The following SLC24A2 variants were observed in gnomAD, a reference collection of about 807,000 sequenced individuals.
SLC24A2 encodes sodium/potassium/calcium exchanger 2.
In SLC24A2, 36 loss-of-function variants were observed where a neutral mutation model predicts 62.0. That is an observed-to-expected ratio of 0.58 (90% CI 0.44 to 0.77). The LOEUF is 0.77. Among genes scored for constraint, SLC24A2 ranks in the 30% least tolerant of loss-of-function variants. The probability of loss-of-function intolerance (pLI) is 0.00; values close to 1 mark genes in which losing one functional copy is unlikely to be tolerated. For synonymous variants in SLC24A2, 358 were observed against 294.0 expected (o/e 1.22, Z -2.23); for missense variants, 846 against 817.9 (o/e 1.03, Z -0.42).
the SLC24A2 span, among the ~76,000 whole-genome samples, chr9:20,202,377 C>T: frequency 1.3e-5 from 2 of 152,154 alleles, no homozygotes; most frequent in South Asian, 2.1e-4. Context: ...ACTGGAGCTT[C>T]CTCTTTGAAG....
rs1832765035 is a variant in SLC24A2 at position 19,512,769 on chromosome 9, ATTG to A, written c.*3381_*3383del. 6.6e-6 allele frequency: 1 copy of A among 152,118 alleles called. No individual in the cohort carries two copies. The highest frequency in any genetic ancestry group is 6.5e-5 in the Admixed American group (1 of 15,270). 9.4% of individuals were successfully genotyped at this position (152,118 alleles called of 1,614,324 possible). On this transcript the variant is annotated 3_prime_UTR_variant, in exon 11 of 11. Transcript: ENST00000341998. ...TGATTAGTACAATGTTGGCTCTTGA[ATTG>A]TTGATATCTTTTATACCCTGCTCCA...
At chr9:20,169,181 T>C in the SLC24A2 span, among the ~76,000 whole-genome samples, 55 of 152,094 alleles carry the variant, frequency 3.6e-4, no homozygotes, top group Non-Finnish European at 5.0e-4. Context: ...GAATTAGAGA[T>C]AATCAGGGGC....
At chr9:19,611,642 C>A (rs1032869884) in intron 4 of SLC24A2, among the ~76,000 whole-genome samples, 1 of 151,920 alleles carries the variant, frequency 6.6e-6, no homozygotes, top group Non-Finnish European at 1.5e-5. Context: ...AAGTTTGGGG[C>A]ATGCCTTTTC....
At chr9:20,040,408 G>A in the SLC24A2 span, among the ~76,000 whole-genome samples, 1 of 152,186 alleles carries the variant, frequency 6.6e-6, no homozygotes, top group Non-Finnish European at 1.5e-5. Context: ...GGGAAGGAGG[G>A]CTGGTTAAGA....
At chr9:19,549,369 T>G (rs1298342330) in intron 8 of SLC24A2, among the ~76,000 whole-genome samples, 1 of 152,142 alleles carries the variant, frequency 6.6e-6, no homozygotes, top group Admixed American at 6.6e-5. Flanking sequence ...TAGGTAAACT[T>G]TTTGTTTCCT....
chr9:19,926,511 C>G, the SLC24A2 span: 2 of 151,940 alleles, frequency 1.3e-5, no homozygotes, highest in African/African-American at 2.4e-5. Context: ...CAGGTGTTCA[C>G]GGCTCATCAC....
At chr9:19,966,787 T>A in the SLC24A2 span, among the ~76,000 whole-genome samples, 1 of 152,200 alleles carries the variant, frequency 6.6e-6, no homozygotes, top group African/African-American at 2.4e-5. Context: ...GGAATGCGAA[T>A]GCAATTGCTG....
At chr9:20,269,851 C>T in the SLC24A2 span, among the ~76,000 whole-genome samples, 1 of 152,128 alleles carries the variant, frequency 6.6e-6, no homozygotes, top group Non-Finnish European at 1.5e-5. Context: ...TTGTTGATAC[C>T]TGGTCTTAGT....
At chr9:19,973,831 T>C in the SLC24A2 span, among the ~76,000 whole-genome samples, 10 of 152,320 alleles carry the variant, frequency 6.6e-5, no homozygotes, top group African/African-American at 1.9e-4. Flanking sequence ...GTTATTTAGA[T>C]AGTAGGTTTT....
chr9:19,822,992 C>T, the SLC24A2 span, among the ~76,000 whole-genome samples: 2 of 152,032 alleles, frequency 1.3e-5, no homozygotes, highest in African/African-American at 4.8e-5. Context: ...TAAAACTCAC[C>T]CACCCTTCCC....
At chr9:19,798,406 C>A in the SLC24A2 span, among the ~76,000 whole-genome samples, 1 of 152,140 alleles carries the variant, frequency 6.6e-6, no homozygotes, top group African/African-American at 2.4e-5. Flanking sequence ...GAATAAGTTG[C>A]ATAATCCATC....
At chr9:20,011,803 G>C in the SLC24A2 span, among the ~76,000 whole-genome samples, 1 of 152,020 alleles carries the variant, frequency 6.6e-6, no homozygotes, top group Non-Finnish European at 1.5e-5. Context: ...ATCAAAAACA[G>C]CAAGAGACTT....
the SLC24A2 span, among the ~76,000 whole-genome samples, chr9:20,154,963 A>G: frequency 6.6e-6 from 1 of 151,650 alleles, no homozygotes; most frequent in Non-Finnish European, 1.5e-5. Flanking sequence ...GCATCTCGCT[A>G]TCAGGGAAAA....
chr9:19,849,094 T>C, the SLC24A2 span, among the ~76,000 whole-genome samples: 1 of 152,142 alleles, frequency 6.6e-6, no homozygotes, highest in Non-Finnish European at 1.5e-5. Context: ...GGGCACTGAG[T>C]GGGCAGAGAC....
the SLC24A2 span, among the ~76,000 whole-genome samples, chr9:20,158,093 C>T: frequency 2.6e-5 from 4 of 151,376 alleles, no homozygotes; most frequent in Admixed American, 6.6e-5. Flanking sequence ...TCTTTTAATA[C>T]ATAGAATCAA....
chr9:20,121,273 C>G, the SLC24A2 span, among the ~76,000 whole-genome samples: 3 of 151,582 alleles, frequency 2.0e-5, no homozygotes, highest in South Asian at 6.3e-4. Context: ...TGTCATTTAC[C>G]TAGGCCTTCT....
At chr9:19,990,190 T>A in the SLC24A2 span, among the ~76,000 whole-genome samples, 1 of 152,172 alleles carries the variant, frequency 6.6e-6, no homozygotes, top group Non-Finnish European at 1.5e-5. Context: ...ATTTTATAGA[T>A]GAGGAAACTG....
the SLC24A2 span, among the ~76,000 whole-genome samples, chr9:20,156,468 A>G: frequency 1.8e-3 from 280 of 151,790 alleles, no homozygotes; most frequent in African/African-American, 6.6e-3. Flanking sequence ...TCATCTCTCT[A>G]GTCTATTGGT....
At chr9:20,246,996 T>C in the SLC24A2 span, among the ~76,000 whole-genome samples, 4 of 152,242 alleles carry the variant, frequency 2.6e-5, no homozygotes, top group South Asian at 8.3e-4. Flanking sequence ...ATACAGTGTA[T>C]TGCATTATTT....
Sources: allele counts gnomAD v4.1 joint callset (sites outside exome capture counted in the v4.1 genomes callset), GRCh38; gene constraint gnomAD v4.1.1; transcripts MANE v1.5; gene names NCBI Gene and HGNC (gene_info 2026-07-23, HGNC 2026-07-21).